The following DDX46 variants were observed in gnomAD, a reference collection of about 807,000 sequenced individuals.
The protein encoded by DDX46 is DEAD-box helicase 46.
Under a neutral mutation model 134.9 loss-of-function variants are expected in DDX46, and 30 were observed. That is an observed-to-expected ratio of 0.22 (90% CI 0.17 to 0.30). The LOEUF is 0.30. Among genes scored for constraint, DDX46 ranks in the 10% least tolerant of loss-of-function variants. The probability of loss-of-function intolerance (pLI) is 1.00; values close to 1 mark genes in which losing one functional copy is unlikely to be tolerated. For missense variants in DDX46, 622 were observed against 1,248.7 expected, an observed-to-expected ratio of 0.50 and a Z score of 7.56; for synonymous variants, 415 against 404.1, an observed-to-expected ratio of 1.03 and a Z score of -0.32.
chr5:134,827,463 T>C (rs559452471), intron 22 of DDX46, among the ~76,000 whole-genome samples: 1 of 152,282 alleles, frequency 6.6e-6, no homozygotes, highest in East Asian at 1.9e-4. Context: ...TTAGTAGAGA[T>C]GGTGTTTCAC....
At chr5:134,808,282 T>G (rs1285705668) in intron 16 of DDX46, among the ~76,000 whole-genome samples, 1 of 152,218 alleles carries the variant, frequency 6.6e-6, no homozygotes, top group African/African-American at 2.4e-5. Flanking sequence ...GAAAATGCAT[T>G]TAATATACCT....
At chr5:134,785,430 T>C in intron 10 of DDX46, 35 bp from the exon 11 acceptor site, 2 of 1,598,854 alleles carry the variant, frequency 1.3e-6, no homozygotes, top group Non-Finnish European at 1.7e-6. Context: ...TTAAGAATTT[T>C]GGTGGTTAGG....
intron 6 of DDX46, among the ~76,000 whole-genome samples, chr5:134,778,863 C>CGT (rs1051805314): frequency 6.6e-6 from 1 of 150,604 alleles, no homozygotes; most frequent in African/African-American, 2.4e-5. Context: ...CGTGAACCAC[C>CGT]GTGCCCAGCC....
intron 21 of DDX46, among the ~76,000 whole-genome samples, chr5:134,821,947 C>T (rs1201396563): frequency 2.0e-5 from 3 of 147,620 alleles, no homozygotes; most frequent in African/African-American, 5.0e-5. Flanking sequence ...GGCTGGAGTG[C>T]AATGGTGCTG....
intron 2 of DDX46, among the ~76,000 whole-genome samples, chr5:134,764,367 C>T (rs1480842772): frequency 1.3e-5 from 2 of 151,844 alleles, no homozygotes; most frequent in African/African-American, 4.8e-5. Flanking sequence ...ACTGCAACCT[C>T]CACCTCCTGG....
intron 16 of DDX46, among the ~76,000 whole-genome samples, chr5:134,808,157 C>G (rs1480835716): frequency 6.6e-6 from 1 of 152,142 alleles, no homozygotes; most frequent in Admixed American, 6.5e-5. Flanking sequence ...TAGGCAGATC[C>G]TGTTAACAGT....
At chr5:134,796,695 A>G (rs1754663360) in intron 15 of DDX46, among the ~76,000 whole-genome samples, 1 of 151,294 alleles carries the variant, frequency 6.6e-6, no homozygotes, top group South Asian at 2.1e-4. Context: ...TGTACTAAAA[A>G]TATAAAACTT....
chr5:134,762,775 G>A (rs1753431508), intron 1 of DDX46, among the ~76,000 whole-genome samples: 1 of 151,894 alleles, frequency 6.6e-6, no homozygotes, highest in Non-Finnish European at 1.5e-5. Context: ...TTAGCTGAGT[G>A]GCCGGGCGCA....
At chr5:134,772,237 G>A (rs912904966) in intron 4 of DDX46, among the ~76,000 whole-genome samples, 1 of 148,756 alleles carries the variant, frequency 6.7e-6, no homozygotes, top group African/African-American at 2.5e-5. Flanking sequence ...TGTCTCAAAT[G>A]TGAAGGCCAG....
chr5:134,772,779 T>TA (rs1561853901), intron 4 of DDX46, among the ~76,000 whole-genome samples: 1 of 152,188 alleles, frequency 6.6e-6, no homozygotes, highest in Non-Finnish European at 1.5e-5. Flanking sequence ...GCACTGGAAT[T>TA]ACAAGCATGA....
chr5:134,798,533 A>G (rs1304634103), intron 15 of DDX46, among the ~76,000 whole-genome samples: 1 of 152,182 alleles, frequency 6.6e-6, no homozygotes, highest in South Asian at 2.1e-4. Flanking sequence ...TATATAATTC[A>G]GTGACATTAA....
rs1753285582 is a variant in DDX46, at chr5:134,758,885, C to T, written c.-54C>T. On this transcript the variant is annotated 5_prime_UTR_variant, in exon 1 of 23. Transcript: ENST00000452510. ...AGGGCAGCTCAGCCTCCTTGTTTGT[C>T]CGGTTCGCCTGTGCGTGGTACTCAA... is the stretch of plus-strand genomic sequence containing the variant. 2 of 1,613,598 alleles carry T rather than the reference C, an allele frequency of 1.2e-6. No individual in the cohort carries two copies. The highest frequency in any genetic ancestry group is 1.3e-5 in the African/African-American group (1 of 74,916).
intron 21 of DDX46, 27 bp from the exon 22 acceptor site, chr5:134,826,920 A>C (rs1755607117): frequency 2.5e-6 from 4 of 1,606,902 alleles, no homozygotes; most frequent in Non-Finnish European, 3.4e-6. Context: ...AGTAATTTGA[A>C]TAATATGCTT....
At chr5:134,781,064 T>C in intron 6 of DDX46, 69 bp from the exon 7 acceptor site, 1 of 1,071,012 alleles carries the variant, frequency 9.3e-7, no homozygotes, top group Non-Finnish European at 1.3e-6. Flanking sequence ...TCAGTTACTG[T>C]GTGCTTCAGC....
At chr5:134,795,516 T>C (rs1413124830) in intron 14 of DDX46, among the ~76,000 whole-genome samples, 1 of 152,066 alleles carries the variant, frequency 6.6e-6, no homozygotes, top group East Asian at 1.9e-4. Flanking sequence ...TAAAACGTTG[T>C]TTTAGTTTCT....
chr5:134,806,393 G>T (rs1318161947), intron 15 of DDX46, among the ~76,000 whole-genome samples: 3 of 152,016 alleles, frequency 2.0e-5, no homozygotes, highest in Non-Finnish European at 4.4e-5. Context: ...GGGGGTTCAT[G>T]GTTTTTGGGT....
intron 2 of DDX46, among the ~76,000 whole-genome samples, chr5:134,765,849 T>C (rs1434920660): frequency 6.6e-6 from 1 of 152,224 alleles, no homozygotes. Flanking sequence ...GGATAGCATT[T>C]TCACATTTTG....
At chr5:134,811,893 T>TG (rs1561871751) in intron 18 of DDX46, 48 bp downstream of exon 18, 3 of 1,583,932 alleles carry the variant, frequency 1.9e-6, no homozygotes, top group Admixed American at 3.7e-5. Flanking sequence ...TTATTTCTTT[T>TG]GTACTGGAGG....
intron 22 of DDX46, among the ~76,000 whole-genome samples, chr5:134,827,477 G>T (rs1755620814): frequency 6.6e-6 from 1 of 152,168 alleles, no homozygotes; most frequent in Non-Finnish European, 1.5e-5. Context: ...GTTTCACTGT[G>T]TTGGCAAGGC....
Sources: allele counts gnomAD v4.1 joint callset (sites outside exome capture counted in the v4.1 genomes callset), GRCh38; gene constraint gnomAD v4.1.1; transcripts MANE v1.5; gene names NCBI Gene and HGNC (gene_info 2026-07-23, HGNC 2026-07-21).